ATXN1: variants seen among roughly 807,000 people sequenced by gnomAD.
The protein encoded by ATXN1 is ataxin-1.
In ATXN1, 8 loss-of-function variants were observed where a neutral mutation model predicts 56.4. That is an observed-to-expected ratio of 0.14 (90% CI 0.08 to 0.26). The LOEUF (loss-of-function observed/expected upper bound fraction) is 0.26, where lower values mean the gene tolerates loss of function less well. Ranked by LOEUF, ATXN1 falls within the 10% of genes least tolerant of loss-of-function variation. The pLI is 1.00. For synonymous variants in ATXN1, 514 were observed against 494.6 expected, an observed-to-expected ratio of 1.04 and a Z score of -0.52; for missense variants, 987 against 1,106.5, an observed-to-expected ratio of 0.89 and a Z score of 1.53.
chr6:16,325,056 C>T (rs988021854), intron 7 of ATXN1, among the ~76,000 whole-genome samples: 6 of 152,056 alleles, frequency 3.9e-5, no homozygotes, highest in Non-Finnish European at 5.9e-5. Flanking sequence ...CTAACCAGTC[C>T]AGAGCCCACT....
intron 4 of ATXN1, among the ~76,000 whole-genome samples, chr6:16,574,355 G>C (rs1007016378): frequency 2.6e-5 from 4 of 152,148 alleles, no homozygotes; most frequent in African/African-American, 9.7e-5. Context: ...ACAGGCATGC[G>C]CCACCATGCC....
intron 4 of ATXN1, among the ~76,000 whole-genome samples, chr6:16,556,672 TG>T (rs1762020182): frequency 6.6e-6 from 1 of 152,140 alleles, no homozygotes; most frequent in Admixed American, 6.5e-5. Flanking sequence ...TCACTGTTAA[TG>T]GGGGAACATG....
At chr6:16,721,115 G>A (rs920372226) in intron 2 of ATXN1, among the ~76,000 whole-genome samples, 8 of 152,154 alleles carry the variant, frequency 5.3e-5, no homozygotes, top group Non-Finnish European at 1.2e-4. Context: ...ACCAGAAGAT[G>A]GTTCCCTTAA....
intron 4 of ATXN1, among the ~76,000 whole-genome samples, chr6:16,571,582 C>T (rs1762333072): frequency 1.3e-5 from 2 of 152,064 alleles, no homozygotes; most frequent in African/African-American, 2.4e-5. Context: ...ACCTTGAACT[C>T]CTGGGCTCAA....
rs566017238 is a variant in ATXN1 at position 16,452,015 on chromosome 6, G to T, written c.-161+33957C>A. 2.6e-5 allele frequency among the ~76,000 whole-genome samples: 4 copies of T among 152,260 alleles called. No individual in the cohort carries two copies. In the East Asian group the frequency reaches 7.7e-4, roughly 29 times the overall value. ...CCTCACTAGGGAAGTCCCCTTAGGCGTCCGAATGTCAGGCCGTTCTTAGAT... is the reference window on the plus strand; with the variant it reads ...CCTCACTAGGGAAGTCCCCTTAGGCTTCCGAATGTCAGGCCGTTCTTAGAT... On this transcript the variant is annotated intron_variant, in intron 6 of 7. Coordinates refer to ENST00000436367, the MANE Select transcript of ATXN1 (RefSeq NM_001128164.2).
intron 6 of ATXN1, among the ~76,000 whole-genome samples, chr6:16,329,080 A>T (rs1171427056): frequency 6.6e-6 from 1 of 151,840 alleles, no homozygotes; most frequent in Non-Finnish European, 1.5e-5. Flanking sequence ...TGTTCTCAAT[A>T]CCCTCTCTCC....
chr6:16,381,029 C>T (rs1161279691), intron 6 of ATXN1, among the ~76,000 whole-genome samples: 8 of 152,140 alleles, frequency 5.3e-5, no homozygotes, highest in South Asian at 2.1e-4. Flanking sequence ...CGGTGGCTCA[C>T]GCCTGTAATC....
chr6:16,450,808 A>G (rs1759737398), intron 6 of ATXN1, among the ~76,000 whole-genome samples: 2 of 152,218 alleles, frequency 1.3e-5, no homozygotes, highest in Non-Finnish European at 2.9e-5. Context: ...GAAGGATGTC[A>G]ACCCCATTCC....
At chr6:16,663,057 C>T (rs968783626) in intron 2 of ATXN1, among the ~76,000 whole-genome samples, 2 of 148,516 alleles carry the variant, frequency 1.3e-5, no homozygotes, top group East Asian at 4.0e-4. Flanking sequence ...GCTGCAACCT[C>T]TGCCTCCCGG....
At position 16,655,895 on chromosome 6, in the gene ATXN1, T is replaced by A. The variant is rs574815882; in HGVS notation, c.-489+1881A>T. On this transcript the variant is annotated intron_variant, in intron 3 of 7. Coordinates refer to ENST00000436367, the MANE Select transcript of ATXN1 (RefSeq NM_001128164.2). ...ACCTGAGGTGAGGAGATCGAGACCATCCTGGCTAACATGGTGAAACCCCAG... is the reference window on the plus strand; with the variant it reads ...ACCTGAGGTGAGGAGATCGAGACCAACCTGGCTAACATGGTGAAACCCCAG... 2.0e-5 allele frequency among the ~76,000 whole-genome samples: 3 copies of A among 151,554 alleles called. No homozygotes were observed. In the East Asian group the frequency reaches 5.8e-4, roughly 30 times the overall value.
Position 16,478,240 on chromosome 6 carries a change from G to T in ATXN1, c.-161+7732C>A, listed in dbSNP as rs538859256. ...TTTCATCTACATTTGTGCTTGATGT[G>T]GTAGTGACTGAGAAGGGGCAAGGAA... is the stretch of plus-strand genomic sequence containing the variant. On this transcript the variant is annotated intron_variant, in intron 6 of 7. Coordinates refer to ENST00000436367, the MANE Select transcript of ATXN1 (RefSeq NM_001128164.2). 2.0e-5 allele frequency among the ~76,000 whole-genome samples: 3 copies of T among 152,272 alleles called. No homozygotes were observed. In the South Asian group the frequency reaches 6.2e-4, roughly 32 times the overall value.
intron 6 of ATXN1, among the ~76,000 whole-genome samples, chr6:16,390,680 T>TA (rs60238072): frequency 6.8e-5 from 10 of 147,158 alleles, no homozygotes; most frequent in African/African-American, 2.0e-4. Context: ...AATAAACACA[T>TA]CACACACACA....
At position 16,506,855 on chromosome 6, in the gene ATXN1, T is replaced by A. The variant is rs997052009; in HGVS notation, c.-299+15772A>T. On this transcript the variant is annotated intron_variant, in intron 5 of 7. Coordinates refer to ENST00000436367, the MANE Select transcript of ATXN1 (RefSeq NM_001128164.2). This position sits in a 1 kb window ranked among gnomAD's most constrained non-coding sequence, Gnocchi z 4.1. ...TAAAGGGCATGCCAATGATTATTGA[T>A]AACATCATTCAACGCCATGTAATGA... is the stretch of plus-strand genomic sequence containing the variant. Among the ~76,000 whole-genome samples the A allele has an allele frequency of 1.3e-5, 2 of 152,192 alleles. No homozygotes were observed. Among genetic ancestry groups the A allele is most frequent in the African/African-American group, 4.8e-5 (2 of 41,452 alleles).
intron 6 of ATXN1, among the ~76,000 whole-genome samples, chr6:16,464,665 A>G (rs1417338468): frequency 6.6e-6 from 1 of 152,038 alleles, no homozygotes; most frequent in East Asian, 1.9e-4. Flanking sequence ...TTGCCACATG[A>G]AAGAAGCCAA....
chr6:16,471,870 T>C lies in ATXN1; in HGVS notation c.-161+14102A>G, dbSNP rs954669983. Among the ~76,000 whole-genome samples the C allele has an allele frequency of 4.6e-5, 7 of 152,194 alleles. No homozygotes were observed. In the East Asian group the frequency reaches 9.6e-4, roughly 21 times the overall value. ...TAACTTCATCAATCTCCGCACCATC[T>C]GTCAGACCTTAGGTTACAGTGACCA... On this transcript the variant is annotated intron_variant, in intron 6 of 7. Transcript: ENST00000436367.
intron 6 of ATXN1, among the ~76,000 whole-genome samples, chr6:16,414,937 G>A (rs1758871950): frequency 6.6e-6 from 1 of 152,178 alleles, no homozygotes; most frequent in Admixed American, 6.5e-5. Flanking sequence ...ACTAAAAGTT[G>A]AGCTACTGGA....
intron 6 of ATXN1, among the ~76,000 whole-genome samples, chr6:16,415,044 A>G (rs1238588648): frequency 6.6e-6 from 1 of 152,126 alleles, no homozygotes; most frequent in African/African-American, 2.4e-5. Context: ...CATTTTTATA[A>G]TTTTCAGAAG....
chr6:16,595,653 C>G (rs1225232007), intron 3 of ATXN1, among the ~76,000 whole-genome samples: 3 of 152,146 alleles, frequency 2.0e-5, no homozygotes, highest in Non-Finnish European at 4.4e-5. Flanking sequence ...CTACAAAAAG[C>G]AAGGAAATGG....
intron 6 of ATXN1, among the ~76,000 whole-genome samples, chr6:16,346,451 G>A (rs971571780): frequency 6.6e-6 from 1 of 152,206 alleles, no homozygotes; most frequent in East Asian, 1.9e-4. Context: ...CAGTGGAAGA[G>A]AGGTTATAGT....
Sources: gnomAD v4.1 joint callset for allele counts (sites outside exome capture counted in the v4.1 genomes callset) on GRCh38, gnomAD v4.1.1 for gene constraint, Gnocchi (gnomAD v3.1) non-coding constraint, MANE v1.5 for transcripts, NCBI Gene and HGNC (gene_info 2026-07-23, HGNC 2026-07-21) for gene names.